The following APBA2 variants were observed in gnomAD, a reference collection of about 807,000 sequenced individuals.
APBA2 encodes amyloid beta precursor protein binding family A member 2.
APBA2 carries 30 observed loss-of-function variants against 75.0 expected under a neutral mutation model. That is an observed-to-expected ratio of 0.40 (90% CI 0.30 to 0.54). The LOEUF (loss-of-function observed/expected upper bound fraction) is 0.54. Ranked by LOEUF, APBA2 falls within the 20% of genes least tolerant of loss-of-function variation. The pLI is 0.49. For synonymous variants in APBA2, 444 were observed against 409.6 expected, an observed-to-expected ratio of 1.08 and a Z score of -1.01; for missense variants, 801 against 1,016.1, an observed-to-expected ratio of 0.79 and a Z score of 2.88.
chr15:29,068,284 C>G (rs1391837119), intron 4 of APBA2, among the ~76,000 whole-genome samples: 1 of 152,226 alleles, frequency 6.6e-6, no homozygotes, highest in African/African-American at 2.4e-5. Flanking sequence ...GGAAAAATTG[C>G]GGATGTTTGC....
At chr15:29,059,544 AAAC>A (rs1378858988) in intron 4 of APBA2, among the ~76,000 whole-genome samples, 4 of 152,214 alleles carry the variant, frequency 2.6e-5, no homozygotes, top group African/African-American at 9.7e-5. Context: ...GGGAAATGTT[AAAC>A]TCTTCTCAGC....
At chr15:29,073,062 A>T (rs898085349) in intron 4 of APBA2, among the ~76,000 whole-genome samples, 1 of 152,194 alleles carries the variant, frequency 6.6e-6, no homozygotes, top group Admixed American at 6.5e-5. Flanking sequence ...AATCATTCCA[A>T]CTACCTGGGG....
At chr15:29,089,474 C>T (rs113379026) in intron 6 of APBA2, among the ~76,000 whole-genome samples, 3,324 of 152,238 alleles carry the variant, frequency 0.022, 103 homozygotes, top group African/African-American at 0.077. Context: ...CCAGCTCCAC[C>T]CAGCCACCTC....
At chr15:29,060,642 C>T (rs2042092951) in intron 4 of APBA2, among the ~76,000 whole-genome samples, 1 of 152,174 alleles carries the variant, frequency 6.6e-6, no homozygotes, top group Admixed American at 6.5e-5. Flanking sequence ...GATACGGAAG[C>T]CTCCGGTCTG....
At chr15:28,894,259 C>A (rs1267947812) in intron 1 of APBA2, among the ~76,000 whole-genome samples, 1 of 152,172 alleles carries the variant, frequency 6.6e-6, no homozygotes. Context: ...GTCCATCCAT[C>A]CACCCATCTA....
chr15:28,966,400 A>G (rs1595589246), intron 2 of APBA2, among the ~76,000 whole-genome samples: 2 of 151,678 alleles, frequency 1.3e-5, no homozygotes, highest in Non-Finnish European at 1.5e-5. Flanking sequence ...GAATTTCTGT[A>G]TGTTCTTGGT....
At chr15:29,056,728 A>G (rs971735879) in intron 4 of APBA2, among the ~76,000 whole-genome samples, 1 of 150,570 alleles carries the variant, frequency 6.6e-6, no homozygotes, top group African/African-American at 2.5e-5. Context: ...TGCTAGTTCC[A>G]GAGTTCCAGG....
Position 29,094,279 on chromosome 15 carries a change from G to C in APBA2, c.1217G>C (p.Arg406Thr). The C allele has an allele frequency of 6.2e-7, 1 of 1,614,222 alleles. No individual in the cohort carries two copies. Among genetic ancestry groups the C allele is most frequent in the Non-Finnish European group, 8.5e-7 (1 of 1,180,020 alleles). Residue 406 changes from arginine to threonine, a missense_variant and splice_region_variant, in exon 8 of 15, where the codon AGG becomes ACG. Physicochemically the swap from Arg to Thr is moderately conservative, Grantham distance 71. Coordinates refer to ENST00000683413, the MANE Select transcript of APBA2 (RefSeq NM_001353788.2). The stretch of plus-strand genomic sequence containing the variant: ...TTCTTTTCTCTTCCATGCTGTCAGA[G>C]GATGCAAAAGGCTGCTAAGATCAAG... The part of the protein sequence containing the change: ...QAQEAVSRVK[R>T]MQKAAKIKKK...
chr15:28,921,955 C>T (rs1019287273), intron 2 of APBA2, among the ~76,000 whole-genome samples: 2 of 152,178 alleles, frequency 1.3e-5, no homozygotes, highest in Non-Finnish European at 2.9e-5. Flanking sequence ...TATTTTGAGG[C>T]GAAAGGGGAA....
intron 3 of APBA2, among the ~76,000 whole-genome samples, chr15:29,051,427 G>A (rs370120099): frequency 2.6e-5 from 4 of 152,144 alleles, no homozygotes; most frequent in East Asian, 3.9e-4. Flanking sequence ...CCGCATACCA[G>A]TGATGCTCCT....
intron 3 of APBA2, among the ~76,000 whole-genome samples, chr15:29,014,681 G>A (rs1190575167): frequency 3.4e-5 from 5 of 149,034 alleles, no homozygotes; most frequent in Admixed American, 1.3e-4. Context: ...CCCGTCTGCA[G>A]ATTACTCAGT....
At chr15:28,992,204 C>T (rs1478215044) in intron 2 of APBA2, among the ~76,000 whole-genome samples, 2 of 152,270 alleles carry the variant, frequency 1.3e-5, no homozygotes, top group Non-Finnish European at 1.5e-5. Flanking sequence ...TTAGCCTAAG[C>T]GGCTTCCTGT....
chr15:29,038,740 C>G (rs3894537), intron 3 of APBA2, among the ~76,000 whole-genome samples: 2 of 139,900 alleles, frequency 1.4e-5, no homozygotes, highest in Admixed American at 7.9e-5. Context: ...GTGAGGCCAT[C>G]TTGGCTCGCT....
chr15:29,052,804 T>C (rs2041667917), intron 3 of APBA2, among the ~76,000 whole-genome samples: 1 of 152,138 alleles, frequency 6.6e-6, no homozygotes, highest in Non-Finnish European at 1.5e-5. Context: ...GCCTTCTTGC[T>C]ATGTCATCCC....
At chr15:29,065,390 G>A (rs921149540) in intron 4 of APBA2, among the ~76,000 whole-genome samples, 1 of 152,184 alleles carries the variant, frequency 6.6e-6, no homozygotes, top group African/African-American at 2.4e-5. Flanking sequence ...AGATGTGATA[G>A]CGTGGTGATG....
chr15:29,041,483 AG>A (rs1257796767), intron 3 of APBA2, among the ~76,000 whole-genome samples: 22 of 146,324 alleles, frequency 1.5e-4, no homozygotes, highest in Admixed American at 6.8e-4. Flanking sequence ...ACCCTGTCTC[AG>A]AAAAAAAAAA....
At chr15:29,057,843 G>A (rs2041969544) in intron 4 of APBA2, among the ~76,000 whole-genome samples, 1 of 152,146 alleles carries the variant, frequency 6.6e-6, no homozygotes, top group African/African-American at 2.4e-5. Flanking sequence ...ATTACCTGAG[G>A]ATAAATCCCC....
chr15:29,093,296 C>A, intron 7 of APBA2, 76 bp downstream of exon 7: 1 of 1,572,020 alleles, frequency 6.4e-7, no homozygotes, highest in South Asian at 1.1e-5. Context: ...TATGGCGGGG[C>A]GTAGGCCCTC....
chr15:28,974,242 G>T (rs2037215084), intron 2 of APBA2, among the ~76,000 whole-genome samples: 1 of 152,162 alleles, frequency 6.6e-6, no homozygotes, highest in South Asian at 2.1e-4. Flanking sequence ...GAAACAAAGA[G>T]GGCCGCTGTC....
Sources: gnomAD v4.1 joint callset for allele counts (sites outside exome capture counted in the v4.1 genomes callset) on GRCh38, gnomAD v4.1.1 for gene constraint, MANE v1.5 for transcripts, NCBI Gene and HGNC (gene_info 2026-07-23, HGNC 2026-07-21) for gene names.